Variants in RGS7 observed in about 807,000 individuals in gnomAD.
The protein encoded by RGS7 is regulator of G protein signaling 7, also known as regulator of G-protein signaling 7.
In RGS7, 27 loss-of-function variants were observed where a neutral mutation model predicts 81.1. The ratio of observed to expected loss-of-function variants is 0.33; its 90% CI spans 0.25 to 0.46. The LOEUF (loss-of-function observed/expected upper bound fraction) is 0.46, where lower values mean the gene tolerates loss of function less well. RGS7 is among the 20% of genes least tolerant of loss of function. The pLI is 1.00. For synonymous variants in RGS7, 208 were observed against 207.7 expected, an observed-to-expected ratio of 1.00 and a Z score of -0.01; for missense variants, 396 against 607.4, an observed-to-expected ratio of 0.65 and a Z score of 3.66.
chr1:241,310,482 T>C (rs2080464890), intron 2 of RGS7, among the ~76,000 whole-genome samples: 2 of 42,646 alleles, frequency 4.7e-5, no homozygotes, highest in African/African-American at 1.0e-4. Flanking sequence ...TCTGTGTGTC[T>C]GTGTGTGAGT....
chr1:241,243,251 A>T (rs12047778), intron 2 of RGS7, among the ~76,000 whole-genome samples: 35,876 of 152,116 alleles, frequency 0.24, 4,891 homozygotes, highest in East Asian at 0.51. Flanking sequence ...CCAGAGCCAA[A>T]AAGTCACCAG....
At chr1:241,253,446 T>C (rs541749235) in intron 2 of RGS7, among the ~76,000 whole-genome samples, 1 of 152,258 alleles carries the variant, frequency 6.6e-6, no homozygotes, top group South Asian at 2.1e-4. Context: ...ACATGAAGCT[T>C]CTTTGGAGTA....
intron 4 of RGS7, among the ~76,000 whole-genome samples, chr1:240,967,568 TGGGGGG>T (rs543910244): frequency 7.6e-4 from 41 of 54,036 alleles, no homozygotes; most frequent in African/African-American, 2.8e-3. Flanking sequence ...TGCCAAGAAG[TGGGGGG>T]GGGGGGGAAA....
At chr1:241,135,650 G>GA (rs929764265) in intron 2 of RGS7, among the ~76,000 whole-genome samples, 1 of 151,968 alleles carries the variant, frequency 6.6e-6, no homozygotes, top group Non-Finnish European at 1.5e-5. Context: ...GGCTCTTGTG[G>GA]AAAAAAACCT....
At chr1:240,919,156 T>G (rs754631162) in intron 6 of RGS7, among the ~76,000 whole-genome samples, 1 of 152,038 alleles carries the variant, frequency 6.6e-6, no homozygotes, top group Non-Finnish European at 1.5e-5. Flanking sequence ...TACCAAACAT[T>G]TGAGGAAGAA....
chr1:241,303,162 T>C (rs946921587), intron 2 of RGS7, among the ~76,000 whole-genome samples: 1 of 152,184 alleles, frequency 6.6e-6, no homozygotes, highest in Non-Finnish European at 1.5e-5. Context: ...CATGTCAAAT[T>C]GTAATCCCCA....
chr1:241,333,004 C>A (rs578021107), intron 2 of RGS7, among the ~76,000 whole-genome samples: 2 of 152,206 alleles, frequency 1.3e-5, no homozygotes, highest in African/African-American at 4.8e-5. Flanking sequence ...GAGCCCTCCA[C>A]TCTGTCTCAA....
chr1:241,147,778 TTTTATATATATATATA>T (rs1179322520), intron 2 of RGS7, among the ~76,000 whole-genome samples: 573 of 19,438 alleles, frequency 0.029, 19 homozygotes, highest in African/African-American at 0.072. Context: ...CTAGATTAAG[TTTTATATATATATATA>T]TATATATATA....
chr1:241,233,044 A>G (rs1297337120), intron 2 of RGS7, among the ~76,000 whole-genome samples: 3 of 152,188 alleles, frequency 2.0e-5, no homozygotes, highest in Admixed American at 1.3e-4. Flanking sequence ...TCCATAATAT[A>G]GTCCCCACCT....
At chr1:241,120,112 C>T (rs553400275) in intron 2 of RGS7, among the ~76,000 whole-genome samples, 1 of 152,252 alleles carries the variant, frequency 6.6e-6, no homozygotes, top group South Asian at 2.1e-4. Context: ...TATTATGAGG[C>T]CCTGCCCATC....
At chr1:241,072,508 CCTT>C (rs906384728) in intron 3 of RGS7, among the ~76,000 whole-genome samples, 3 of 152,136 alleles carry the variant, frequency 2.0e-5, no homozygotes, top group Non-Finnish European at 2.9e-5. Context: ...TCCCCCTCGC[CCTT>C]CTTGGATACA....
chr1:240,810,556 C>T (rs138694672), intron 14 of RGS7, among the ~76,000 whole-genome samples: 1 of 150,072 alleles, frequency 6.7e-6, no homozygotes, highest in African/African-American at 2.5e-5. Context: ...AAGCGATTCT[C>T]ATTCCTCAGC....
chr1:241,347,207 T>TC (rs2082951833), intron 2 of RGS7, among the ~76,000 whole-genome samples: 1 of 152,144 alleles, frequency 6.6e-6, no homozygotes, highest in Admixed American at 6.5e-5. Context: ...TTCTAAATGA[T>TC]CTACAGCCTT....
At chr1:241,243,615 C>A (rs2076370253) in intron 2 of RGS7, among the ~76,000 whole-genome samples, 1 of 152,064 alleles carries the variant, frequency 6.6e-6, no homozygotes, top group South Asian at 2.1e-4. Context: ...TTTACTTGAG[C>A]AACTAAATCC....
At chr1:241,070,063 C>G (rs1001524476) in intron 3 of RGS7, among the ~76,000 whole-genome samples, 11 of 152,146 alleles carry the variant, frequency 7.2e-5, no homozygotes, top group African/African-American at 2.7e-4. Context: ...TAGGATGACA[C>G]CTCATCTAAG....
intron 2 of RGS7, among the ~76,000 whole-genome samples, chr1:241,104,823 T>A (rs2065000800): frequency 6.6e-6 from 1 of 152,154 alleles, no homozygotes; most frequent in Admixed American, 6.5e-5. Context: ...GAGGAAAAAA[T>A]TCTTACCTTA....
At chr1:241,052,811 A>G (rs147221639) in intron 3 of RGS7, among the ~76,000 whole-genome samples, 1 of 151,952 alleles carries the variant, frequency 6.6e-6, no homozygotes, top group African/African-American at 2.4e-5. Context: ...TTTTTTTGAC[A>G]GAACACTGAT....
intron 2 of RGS7, among the ~76,000 whole-genome samples, chr1:241,322,253 G>A (rs1482759630): frequency 6.6e-6 from 1 of 152,206 alleles, no homozygotes; most frequent in Non-Finnish European, 1.5e-5. Context: ...ACTGTTGTTA[G>A]CACATACTAG....
At chr1:240,788,076 G>A (rs1685365826) in intron 18 of RGS7, among the ~76,000 whole-genome samples, 1 of 152,158 alleles carries the variant, frequency 6.6e-6, no homozygotes, top group African/African-American at 2.4e-5. Flanking sequence ...ATTATTAAAT[G>A]GGACAACATT....
Sources: gnomAD v4.1 joint callset for allele counts (sites outside exome capture counted in the v4.1 genomes callset) on GRCh38, gnomAD v4.1.1 for gene constraint, MANE v1.5 for transcripts, NCBI Gene and HGNC (gene_info 2026-07-23, HGNC 2026-07-21) for gene names.